The following CEP72 variants were observed in gnomAD, a reference collection of about 807,000 sequenced individuals.
CEP72 encodes the protein centrosomal protein of 72 kDa.
Under a neutral mutation model 65.7 loss-of-function variants are expected in CEP72, and 78 were observed. The ratio of observed to expected loss-of-function variants is 1.19; its 90% CI spans 0.99 to 1.43. CEP72 has a LOEUF of 1.43. Ranked by LOEUF, CEP72 falls within the 40% of genes most tolerant of loss-of-function variation. The probability of loss-of-function intolerance (pLI) is 0.00; values close to 1 mark genes in which losing one functional copy is unlikely to be tolerated. For missense variants in CEP72, 914 were observed against 832.9 expected, an observed-to-expected ratio of 1.10 and a Z score of -1.20; for synonymous variants, 358 against 351.7, an observed-to-expected ratio of 1.02 and a Z score of -0.20.
chr5:637,281 C>T (rs1273562230), intron 6 of CEP72, among the ~76,000 whole-genome samples: 1 of 152,212 alleles, frequency 6.6e-6, no homozygotes, highest in African/African-American at 2.4e-5. Flanking sequence ...CGTGTTAGCA[C>T]GTGTGCCCCA....
downstream of CEP72, among the ~76,000 whole-genome samples, chr5:668,290 G>A (rs112761988): frequency 2.7e-3 from 197 of 72,270 alleles, 22 homozygotes; most frequent in African/African-American, 0.014. Context: ...CGTGGGCGCC[G>A]TCAGGGAAGT....
At chr5:654,573 T>A (rs1197906495), downstream of CEP72, among the ~76,000 whole-genome samples, 1 of 152,238 alleles carries the variant, frequency 6.6e-6, no homozygotes, top group Non-Finnish European at 1.5e-5. Flanking sequence ...GTGTCACCTC[T>A]CTGTCCAGTT....
chr5:648,917 TGAGGTGTGACTG>T, intron 11 of CEP72, among the ~76,000 whole-genome samples: 1 of 75,920 alleles, frequency 1.3e-5, no homozygotes, highest in Non-Finnish European at 2.5e-5. Flanking sequence ...GGGGTGACTG[TGAGGTGTGACTG>T]TGAGGTGTGA....
chr5:613,057 A>G (rs1735774699), intron 1 of CEP72, among the ~76,000 whole-genome samples: 1 of 152,194 alleles, frequency 6.6e-6, no homozygotes, highest in Non-Finnish European at 1.5e-5. Flanking sequence ...CAAATTCTGT[A>G]TCTCTGGTTG....
chr5:616,800 GTGTGTGTGTGTGTGTA>G (rs1736018717), intron 1 of CEP72, among the ~76,000 whole-genome samples: 1 of 133,010 alleles, frequency 7.5e-6, no homozygotes, highest in Admixed American at 7.4e-5. Context: ...CGAGGGGTGT[GTGTGTGTGTGTGTGTA>G]TGTGTGTGTG....
At chr5:635,342 T>A in intron 5 of CEP72, 30 bp from the exon 6 acceptor site, 4 of 1,464,358 alleles carry the variant, frequency 2.7e-6, no homozygotes, top group Non-Finnish European at 3.8e-6. Flanking sequence ...CAATGTTTTA[T>A]GAAATATTTT....
intron 4 of CEP72, chr5:666,204 G>T: frequency 6.7e-7 from 1 of 1,503,524 alleles, no homozygotes; most frequent in Non-Finnish European, 9.0e-7. Context: ...GAGCAGAGCT[G>T]GACAGCCATG....
intron 11 of CEP72, among the ~76,000 whole-genome samples, chr5:651,866 C>T (rs932090836): frequency 4.0e-5 from 6 of 151,722 alleles, no homozygotes; most frequent in African/African-American, 1.5e-4. Context: ...CTCCCATTCC[C>T]GCTCCCTCCC....
chr5:648,845 GGACTGTGAGGTGTGACTGTGAGGTGT>G (rs1477903078), intron 11 of CEP72, among the ~76,000 whole-genome samples: 20 of 43,548 alleles, frequency 4.6e-4, no homozygotes, highest in Admixed American at 1.1e-3. Context: ...TGTGAGGTGT[GGACTGTGAGGTGTGACTGTGAGGTGT>G]GACTGTGAGG....
chr5:656,077 A>C (rs549298404), downstream of CEP72, among the ~76,000 whole-genome samples: 21 of 152,296 alleles, frequency 1.4e-4, no homozygotes, highest in African/African-American at 4.8e-4. Flanking sequence ...TTCTACCCAG[A>C]ATTGATTTTT....
At chr5:642,603 C>A (rs1357162151) in intron 9 of CEP72, 2 of 985,382 alleles carry the variant, frequency 2.0e-6, no homozygotes, top group East Asian at 2.3e-4. Context: ...CTGTGGCTGC[C>A]GTGGACGCCT....
intron 9 of CEP72, chr5:642,827 A>G: frequency 2.0e-6 from 2 of 985,464 alleles, no homozygotes; most frequent in Non-Finnish European, 2.4e-6. Flanking sequence ...GGAGGCCCAC[A>G]TCTGTCACTC....
Position 640,595 on chromosome 5 carries a change from CAAG to C in CEP72, c.1531_1533del (p.Lys511del). The C allele has an allele frequency of 1.2e-6, 2 of 1,611,866 alleles. No individual in the cohort carries two copies. Among genetic ancestry groups the C allele is most frequent in the Middle Eastern group, 1.8e-4 (1 of 5,522 alleles). On this transcript the variant is annotated inframe_deletion, in exon 9 of 12. Transcript: ENST00000264935. The stretch of plus-strand genomic sequence containing the variant: ...TGACGGCGGAGCTGCACCACACACA[CAAG>C]GAGCTGGTGAGCCCGCCCTGGCGCT...
At chr5:672,987 C>T in the CEP72 span, among the ~76,000 whole-genome samples, 75 of 152,332 alleles carry the variant, frequency 4.9e-4, no homozygotes, top group African/African-American at 1.6e-3. Context: ...GGAGCCATGG[C>T]AACCTGCCCT....
At chr5:643,094 A>C (rs989522944) in intron 9 of CEP72, 1 of 979,626 alleles carries the variant, frequency 1.0e-6, no homozygotes, top group East Asian at 1.1e-4. Context: ...CACTCCTGTC[A>C]TCCCAGCTAT....
chr5:674,804 G>C, the CEP72 span, among the ~76,000 whole-genome samples: 1 of 151,818 alleles, frequency 6.6e-6, no homozygotes, highest in African/African-American at 2.4e-5. Context: ...GGGCTGGTCT[G>C]TCCTCCAGGC....
intron 4 of CEP72, among the ~76,000 whole-genome samples, chr5:628,544 CAGG>C (rs1736928620): frequency 6.8e-6 from 1 of 147,762 alleles, no homozygotes; most frequent in Non-Finnish European, 1.5e-5. Flanking sequence ...CTGGAGAACT[CAGG>C]TTGCAGTCCC....
At chr5:613,106 C>T (rs760963508) in intron 1 of CEP72, among the ~76,000 whole-genome samples, 4 of 152,168 alleles carry the variant, frequency 2.6e-5, no homozygotes, top group Non-Finnish European at 4.4e-5. Context: ...CGAGTCTTGG[C>T]TGTGTGGGGT....
chr5:618,994 G>C lies in CEP72; in HGVS notation c.87G>C (p.Glu29Asp). 6.2e-7 allele frequency: 1 copy of C among 1,607,086 alleles called. No homozygotes were observed. The highest frequency in any genetic ancestry group is 8.5e-7 in the Non-Finnish European group (1 of 1,174,148). The part of the protein sequence containing the change: ...SGLGPHRDLA[E>D]LQSLSIPGTY... ...TTACAATTTTTCTATTCTTAGCTGA[G>C]CTTCAGTCATTGTCTATTCCTGGAA... is the stretch of plus-strand genomic sequence containing the variant. Residue 29 changes from glutamate to aspartate, a missense_variant, in exon 2 of 12, where the codon GAG (glutamate) becomes GAC (aspartate). Physicochemically the swap from Glu to Asp is conservative, Grantham distance 45 (BLOSUM62 2). Transcript: ENST00000264935.
Sources: gnomAD v4.1 joint callset for allele counts (sites outside exome capture counted in the v4.1 genomes callset) on GRCh38, gnomAD v4.1.1 for gene constraint, MANE v1.5 for transcripts, NCBI Gene and HGNC (gene_info 2026-07-23, HGNC 2026-07-21) for gene names.